The following MRTFB variants were observed in gnomAD, a reference collection of about 807,000 sequenced individuals.
The protein encoded by MRTFB is myocardin-related transcription factor B.
In MRTFB, 29 loss-of-function variants were observed where a neutral mutation model predicts 104.2. The observed-to-expected ratio is 0.28, with a 90% CI of 0.21 to 0.38. MRTFB has a LOEUF of 0.38. Among genes scored for constraint, MRTFB ranks in the 10% least tolerant of loss-of-function variants. MRTFB has a pLI of 1.00. For missense variants in MRTFB, 1,270 were observed against 1,341.6 expected (o/e 0.95, Z 0.83); for synonymous variants, 535 against 519.5 (o/e 1.03, Z -0.41).
chr16:14,141,405 T>C (rs1181241983), intron 3 of MRTFB: 1 of 152,256 alleles, frequency 6.6e-6, no homozygotes, highest in East Asian at 1.9e-4. Flanking sequence ...CATATACTTT[T>C]AATACTTAAG....
At chr16:14,145,439 T>C (rs1348312319) in intron 3 of MRTFB, among the ~76,000 whole-genome samples, 5 of 152,196 alleles carry the variant, frequency 3.3e-5, no homozygotes, top group African/African-American at 1.2e-4. Flanking sequence ...AAAATGAAGT[T>C]GACGTTTAAT....
the MRTFB span, among the ~76,000 whole-genome samples, chr16:14,006,998 C>G: frequency 6.6e-6 from 1 of 152,256 alleles, no homozygotes; most frequent in South Asian, 2.1e-4. Flanking sequence ...GCCTGGGCAA[C>G]AGAGTGAGAC....
At chr16:14,036,296 TTA>T in the MRTFB span, among the ~76,000 whole-genome samples, 18,735 of 98,166 alleles carry the variant, frequency 0.19, 2,051 homozygotes, top group East Asian at 0.41. Flanking sequence ...TTATATATAT[TTA>T]TATATATATA....
At chr16:14,012,604 G>T in the MRTFB span, among the ~76,000 whole-genome samples, 1 of 152,094 alleles carries the variant, frequency 6.6e-6, no homozygotes, top group African/African-American at 2.4e-5. Flanking sequence ...GGCTGACCTT[G>T]ACATTTTCAT....
At chr16:14,103,943 C>T (rs2035838655) in intron 2 of MRTFB, among the ~76,000 whole-genome samples, 1 of 152,144 alleles carries the variant, frequency 6.6e-6, no homozygotes, top group Non-Finnish European at 1.5e-5. Flanking sequence ...GAAACTCTGC[C>T]TGGTTTCTGG....
At chr16:14,143,762 A>G (rs1008204900) in intron 3 of MRTFB, 2 of 151,810 alleles carry the variant, frequency 1.3e-5, no homozygotes, top group African/African-American at 2.4e-5. Flanking sequence ...ATAACATAAT[A>G]CTTGTTTGAT....
chr16:14,003,425 C>T, the MRTFB span, among the ~76,000 whole-genome samples: 1 of 152,236 alleles, frequency 6.6e-6, no homozygotes, highest in Non-Finnish European at 1.5e-5. Context: ...CGCACGCTCA[C>T]AGTGCTCTTC....
At chr16:14,096,937 T>G (rs1037403972) in intron 2 of MRTFB, among the ~76,000 whole-genome samples, 1 of 152,228 alleles carries the variant, frequency 6.6e-6, no homozygotes, top group Non-Finnish European at 1.5e-5. Flanking sequence ...TGAATTCACT[T>G]AGGTTTCAAG....
At chr16:14,083,957 T>C (rs957324351) in intron 2 of MRTFB, among the ~76,000 whole-genome samples, 4 of 152,124 alleles carry the variant, frequency 2.6e-5, no homozygotes, top group Admixed American at 2.0e-4. Flanking sequence ...GAATATACCT[T>C]TTAGGTTTTC....
At chr16:14,144,549 G>C (rs117722655) in intron 3 of MRTFB, 2 of 152,124 alleles carry the variant, frequency 1.3e-5, no homozygotes, top group East Asian at 3.8e-4. Flanking sequence ...TAGATTTTAA[G>C]TGTTGTCACC....
At chr16:14,143,242 A>ATGT (rs2038108431) in intron 3 of MRTFB, 1 of 151,100 alleles carries the variant, frequency 6.6e-6, no homozygotes, top group African/African-American at 2.4e-5. Context: ...GCATTTTTTA[A>ATGT]TGTTGTCTTT....
chr16:14,153,051 A>G (rs1597092160), intron 3 of MRTFB: 1 of 152,300 alleles, frequency 6.6e-6, no homozygotes, highest in East Asian at 1.9e-4. Context: ...ATCATATTCT[A>G]ATAACCTGTC....
At chr16:14,054,429 C>A in the MRTFB span, among the ~76,000 whole-genome samples, 2 of 152,088 alleles carry the variant, frequency 1.3e-5, no homozygotes, top group African/African-American at 4.8e-5. Context: ...ATTGGCCAGG[C>A]TGGTCTCCAA....
chr16:14,064,933 C>T, the MRTFB span, among the ~76,000 whole-genome samples: 4 of 152,114 alleles, frequency 2.6e-5, no homozygotes, highest in African/African-American at 9.7e-5. Flanking sequence ...ATTGCTTTGG[C>T]TATTTGGGTT....
chr16:14,177,157 G>A lies in MRTFB; in HGVS notation c.155-33086G>A, dbSNP rs1249918230. On this transcript the variant is annotated intron_variant, in intron 3 of 16. Transcript: ENST00000571589. This position sits in a 1 kb window ranked among gnomAD's most constrained non-coding sequence, Gnocchi z 4.7. ...AGGGAACATGTAGGGAGTTAATAAC[G>A]CCGGTCAGGAAGGTGGGAGACAAAG... Among the ~76,000 whole-genome samples the A allele has an allele frequency of 2.6e-5, 4 of 152,204 alleles. No individual in the cohort carries two copies.
At chr16:14,238,728 G>A (rs924438422) in intron 9 of MRTFB, among the ~76,000 whole-genome samples, 4 of 152,182 alleles carry the variant, frequency 2.6e-5, no homozygotes, top group African/African-American at 9.7e-5. Flanking sequence ...CATATGTGTC[G>A]TAGAAGTCAG....
chr16:14,127,227 A>T (rs1449005432), intron 2 of MRTFB, among the ~76,000 whole-genome samples: 1 of 152,224 alleles, frequency 6.6e-6, no homozygotes, highest in Non-Finnish European at 1.5e-5. Context: ...TAAGATGAAT[A>T]TGCAAAAGGC....
chr16:14,106,455 T>G (rs775232061), intron 2 of MRTFB, among the ~76,000 whole-genome samples: 16 of 152,188 alleles, frequency 1.1e-4, no homozygotes, highest in Non-Finnish European at 2.4e-4. Flanking sequence ...TGGGGGATCT[T>G]AAATTTTTGA....
At chr16:14,047,714 G>A in the MRTFB span, among the ~76,000 whole-genome samples, 1 of 152,154 alleles carries the variant, frequency 6.6e-6, no homozygotes, top group Non-Finnish European at 1.5e-5. Flanking sequence ...TCACTACCAT[G>A]AGAACAGTAT....
Sources: gnomAD v4.1 joint callset for allele counts (sites outside exome capture counted in the v4.1 genomes callset) on GRCh38, gnomAD v4.1.1 for gene constraint, Gnocchi (gnomAD v3.1) non-coding constraint, MANE v1.5 for transcripts, NCBI Gene and HGNC (gene_info 2026-07-23, HGNC 2026-07-21) for gene names.